The following RBFOX1 variants were observed in gnomAD, a reference collection of about 807,000 sequenced individuals.
RBFOX1 encodes the protein RNA binding fox-1 homolog 1, also known as RNA binding protein fox-1 homolog 1.
Under a neutral mutation model 57.7 loss-of-function variants are expected in RBFOX1, and 8 were observed. The observed-to-expected ratio is 0.14, with a 90% CI of 0.08 to 0.25. The LOEUF (loss-of-function observed/expected upper bound fraction) is 0.25. Among genes scored for constraint, RBFOX1 ranks in the 10% least tolerant of loss-of-function variants. RBFOX1 has a pLI of 1.00. For synonymous variants in RBFOX1, 326 were observed against 222.4 expected (o/e 1.47, Z -4.15); for missense variants, 611 against 548.5 (o/e 1.11, Z -1.14).
chr16:6,069,060 A>T (rs2095802505), intron 1 of RBFOX1, among the ~76,000 whole-genome samples: 1 of 152,132 alleles, frequency 6.6e-6, no homozygotes, highest in Non-Finnish European at 1.5e-5. Flanking sequence ...GAGAGAAGGA[A>T]GAAAGGAAGC....
intron 3 of RBFOX1, among the ~76,000 whole-genome samples, chr16:6,858,283 C>A (rs538464571): frequency 2.0e-4 from 30 of 152,288 alleles, no homozygotes; most frequent in Middle Eastern, 6.8e-3. Context: ...TTTCAGAGGT[C>A]TTCCCTCTCT....
At chr16:6,329,705 G>C (rs759745802) in intron 2 of RBFOX1, among the ~76,000 whole-genome samples, 1 of 152,186 alleles carries the variant, frequency 6.6e-6, no homozygotes, top group Admixed American at 6.5e-5. Context: ...GCCAAAACGG[G>C]TGGATCATTT....
chr16:5,452,221 C>G (rs114511331), intron 1 of RBFOX1, among the ~76,000 whole-genome samples: 2 of 150,026 alleles, frequency 1.3e-5, no homozygotes, highest in Non-Finnish European at 3.0e-5. Flanking sequence ...CGGGTTCAAA[C>G]GATCCTCCCA....
intron 5 of RBFOX1, among the ~76,000 whole-genome samples, chr16:7,578,792 T>A (rs2152829019): frequency 6.6e-6 from 1 of 152,246 alleles, no homozygotes; most frequent in South Asian, 2.1e-4. Flanking sequence ...AAGTATCAAA[T>A]GCTAAATGTC....
intron 4 of RBFOX1, among the ~76,000 whole-genome samples, chr16:7,476,539 A>T (rs2062746191): frequency 6.6e-6 from 1 of 152,210 alleles, no homozygotes; most frequent in African/African-American, 2.4e-5. Context: ...CAAGAGGAAA[A>T]CTTGAGTTGG....
chr16:7,705,577 A>G (rs1047990249), intron 14 of RBFOX1, among the ~76,000 whole-genome samples: 5 of 152,172 alleles, frequency 3.3e-5, no homozygotes, highest in Admixed American at 6.5e-5. Context: ...TGAAGATTGA[A>G]AGAGGGACAG....
At chr16:7,575,424 C>T (rs144645868) in intron 5 of RBFOX1, among the ~76,000 whole-genome samples, 3 of 152,134 alleles carry the variant, frequency 2.0e-5, no homozygotes, top group African/African-American at 4.8e-5. Context: ...TAAGCCACCG[C>T]ACCCGACCCT....
chr16:6,169,931 GT>G (rs1484696301), intron 1 of RBFOX1, among the ~76,000 whole-genome samples: 3 of 152,056 alleles, frequency 2.0e-5, no homozygotes, highest in African/African-American at 4.8e-5. Context: ...CACCTGACTA[GT>G]TTTTGTATTT....
At chr16:6,532,797 C>A (rs1428950061) in intron 2 of RBFOX1, among the ~76,000 whole-genome samples, 1 of 152,176 alleles carries the variant, frequency 6.6e-6, no homozygotes, top group Non-Finnish European at 1.5e-5. Context: ...TACCGTCTCT[C>A]TGTGCTCCTA....
chr16:6,862,565 A>C (rs183031655), intron 3 of RBFOX1, among the ~76,000 whole-genome samples: 1 of 152,310 alleles, frequency 6.6e-6, no homozygotes, highest in Non-Finnish European at 1.5e-5. Context: ...GAGTGAAGAG[A>C]TTTCCAGGAA....
At chr16:6,407,888 C>A (rs1161555395) in intron 2 of RBFOX1, among the ~76,000 whole-genome samples, 1 of 152,128 alleles carries the variant, frequency 6.6e-6, no homozygotes, top group Non-Finnish European at 1.5e-5. Flanking sequence ...TCTGAATGTT[C>A]GCTTTTCCCC....
intron 4 of RBFOX1, among the ~76,000 whole-genome samples, chr16:7,379,634 G>C (rs1334075583): frequency 6.6e-6 from 1 of 152,136 alleles, no homozygotes; most frequent in Non-Finnish European, 1.5e-5. Context: ...GTGAGGCAGA[G>C]GGCTACATCT....
At chr16:5,282,392 GA>G (rs1567275676) in intron 1 of RBFOX1, among the ~76,000 whole-genome samples, 1 of 152,232 alleles carries the variant, frequency 6.6e-6, no homozygotes, top group Non-Finnish European at 1.5e-5. Context: ...TGAATACGTG[GA>G]AGTGACTTTG....
At chr16:7,152,906 A>G (rs2076368292) in intron 4 of RBFOX1, among the ~76,000 whole-genome samples, 2 of 152,194 alleles carry the variant, frequency 1.3e-5, no homozygotes, top group South Asian at 2.1e-4. Context: ...TGCAACAGAG[A>G]TGTTTTCTGA....
At chr16:6,168,255 A>T (rs2096932347) in intron 1 of RBFOX1, among the ~76,000 whole-genome samples, 1 of 152,214 alleles carries the variant, frequency 6.6e-6, no homozygotes, top group Admixed American at 6.5e-5. Context: ...AAGAAAGAAG[A>T]AATCGTGCAT....
rs992848607 is a variant in RBFOX1, at chr16:6,338,436, G to A, written c.-64+21379G>A. Among the ~76,000 whole-genome samples the A allele has an allele frequency of 3.3e-5, 5 of 152,282 alleles. No homozygotes were observed. In the East Asian group the frequency reaches 9.7e-4, roughly 29 times the overall value. The stretch of plus-strand genomic sequence containing the variant: ...TCTAAATCAAAAACTCTGGGCGTGT[G>A]CCTAGATGGAAATCTGAATTTTTAA... On this transcript the variant is annotated intron_variant, in intron 2 of 15. Transcript: ENST00000550418.
intron 3 of RBFOX1, among the ~76,000 whole-genome samples, chr16:6,945,082 A>AG (rs1369754535): frequency 3.3e-5 from 5 of 152,136 alleles, no homozygotes; most frequent in African/African-American, 1.2e-4. Context: ...AAGACAGAGC[A>AG]GGGGCCAGCT....
At chr16:5,332,820 T>A (rs1244445934) in intron 1 of RBFOX1, among the ~76,000 whole-genome samples, 1 of 152,038 alleles carries the variant, frequency 6.6e-6, no homozygotes, top group Non-Finnish European at 1.5e-5. Flanking sequence ...ATACTTTATA[T>A]ATAGAAATAA....
chr16:5,831,473 T>TTATTATTATTATTA (rs2056271261), intron 3 of RBFOX1, among the ~76,000 whole-genome samples: 2 of 141,518 alleles, frequency 1.4e-5, no homozygotes, highest in Admixed American at 7.2e-5. Flanking sequence ...TCTTTTCTCT[T>TTATTATTATTATTA]TTATTATTAT....
Sources: gnomAD v4.1 joint callset for allele counts (sites outside exome capture counted in the v4.1 genomes callset) on GRCh38, gnomAD v4.1.1 for gene constraint, MANE v1.5 for transcripts, NCBI Gene and HGNC (gene_info 2026-07-23, HGNC 2026-07-21) for gene names.